The following MCTP1 variants were observed in gnomAD, a reference collection of about 807,000 sequenced individuals.
MCTP1 encodes the protein multiple C2 and transmembrane domain containing 1, also known as multiple C2 and transmembrane domain-containing protein 1.
In MCTP1, 69 loss-of-function variants were observed where a neutral mutation model predicts 120.6. The ratio of observed to expected loss-of-function variants is 0.57; its 90% CI spans 0.47 to 0.70. MCTP1 has a LOEUF of 0.70. Ranked by LOEUF, MCTP1 falls within the 30% of genes least tolerant of loss-of-function variation. The probability of loss-of-function intolerance (pLI) is 0.00; values close to 1 mark genes in which losing one functional copy is unlikely to be tolerated. For missense variants in MCTP1, 1,203 were observed against 1,248.8 expected (o/e 0.96, Z 0.55); for synonymous variants, 529 against 493.1 (o/e 1.07, Z -0.96).
intron 1 of MCTP1, among the ~76,000 whole-genome samples, chr5:95,258,155 A>C (rs1411806300): frequency 6.6e-6 from 1 of 152,158 alleles, no homozygotes; most frequent in Non-Finnish European, 1.5e-5. Flanking sequence ...GGGTGGGGTG[A>C]GGGCAGGTAA....
intron 18 of MCTP1, among the ~76,000 whole-genome samples, chr5:94,786,067 C>G (rs1286994656): frequency 6.6e-6 from 1 of 151,972 alleles, no homozygotes; most frequent in Admixed American, 6.6e-5. Flanking sequence ...ACTTTGAAAA[C>G]AACAACAACA....
chr5:94,791,027 C>T (rs1180610009), intron 18 of MCTP1, among the ~76,000 whole-genome samples: 4 of 145,338 alleles, frequency 2.8e-5, no homozygotes, highest in Non-Finnish European at 6.0e-5. Context: ...AATCCCAGCA[C>T]TTTGGGAGGC....
chr5:94,832,251 T>C (rs1788685782), intron 17 of MCTP1, among the ~76,000 whole-genome samples: 1 of 135,074 alleles, frequency 7.4e-6, no homozygotes, highest in Non-Finnish European at 1.8e-5. Flanking sequence ...AAGCCATTGT[T>C]CTAAACTAGA....
chr5:94,976,009 C>T (rs573714088), intron 2 of MCTP1, among the ~76,000 whole-genome samples: 2 of 152,218 alleles, frequency 1.3e-5, no homozygotes, highest in Admixed American at 6.5e-5. Context: ...TATGTATCAT[C>T]GCATAATAAC....
At chr5:94,947,555 A>AATAT (rs377155852) in intron 3 of MCTP1, among the ~76,000 whole-genome samples, 1,669 of 39,114 alleles carry the variant, frequency 0.043, 195 homozygotes, top group African/African-American at 0.12. Flanking sequence ...TAGTTTACTA[A>AATAT]ATATATATAT....
At chr5:95,194,025 A>G (rs928764072) in intron 1 of MCTP1, among the ~76,000 whole-genome samples, 1 of 152,092 alleles carries the variant, frequency 6.6e-6, no homozygotes, top group Non-Finnish European at 1.5e-5. Context: ...AGCCTGGGCA[A>G]CAAAGCAAGA....
chr5:94,979,274 A>T (rs1248078194), intron 2 of MCTP1: 1 of 152,002 alleles, frequency 6.6e-6, no homozygotes, highest in African/African-American at 2.4e-5. Context: ...GATTTCTACC[A>T]TTGTATGTTG....
chr5:94,870,951 G>C lies in MCTP1; in HGVS notation c.2162C>G (p.Ala721Gly). 6.2e-7 allele frequency: 1 copy of C among 1,612,946 alleles called. No homozygotes were observed. Among genetic ancestry groups the C allele is most frequent in the Non-Finnish European group, 8.5e-7 (1 of 1,179,384 alleles). ...LLSIQNGEQK[A>G]YVLKNKQLTG... is the part of the protein sequence containing the mutation. Reference sequence around the variant, plus strand: ...CAGCTGCTTGTTTTTCAAGACGTAGGCTTTCTGTTCACCATTTTGAATCTG... The same window carrying C: ...CAGCTGCTTGTTTTTCAAGACGTAGCCTTTCTGTTCACCATTTTGAATCTG... The change falls in exon 15 of 23, where the codon GCC becomes GGC. Residue 721 changes from alanine to glycine, a missense_variant. This residue lies in a region of MCTP1 where 740 missense variants were observed against 871.1 expected (regional missense o/e 0.85). Transcript: ENST00000515393.
At chr5:94,947,577 T>TATATATATATAGAGAG in intron 3 of MCTP1, among the ~76,000 whole-genome samples, 66 of 47,378 alleles carry the variant, frequency 1.4e-3, no homozygotes, top group Non-Finnish European at 1.7e-3. Context: ...TATATATATA[T>TATATATATATAGAGAG]AGAGAGAGAG....
chr5:94,937,613 T>A (rs1422192201), intron 5 of MCTP1, among the ~76,000 whole-genome samples: 1 of 152,064 alleles, frequency 6.6e-6, no homozygotes, highest in Admixed American at 6.6e-5. Flanking sequence ...CCATGGAGAC[T>A]GAAGGATTTT....
intron 6 of MCTP1, among the ~76,000 whole-genome samples, chr5:94,926,192 G>A (rs191429737): frequency 3.0e-4 from 46 of 152,158 alleles, no homozygotes; most frequent in African/African-American, 1.7e-4. Context: ...AAAATTAGTC[G>A]TAATGTGTAC....
intron 17 of MCTP1, among the ~76,000 whole-genome samples, chr5:94,824,936 T>A (rs1786611949): frequency 6.6e-6 from 1 of 152,166 alleles, no homozygotes; most frequent in African/African-American, 2.4e-5. Flanking sequence ...CTTTTCTTCT[T>A]TATTAGTCTG....
At chr5:95,274,655 G>A (rs553967747) in intron 1 of MCTP1, among the ~76,000 whole-genome samples, 198 of 96,452 alleles carry the variant, frequency 2.1e-3, no homozygotes, top group South Asian at 7.9e-3. Flanking sequence ...ACGAAGTCTT[G>A]CTCTGTCGCC....
intron 19 of MCTP1, among the ~76,000 whole-genome samples, chr5:94,744,057 G>T (rs1766278980): frequency 6.6e-6 from 1 of 152,048 alleles, no homozygotes; most frequent in Non-Finnish European, 1.5e-5. Flanking sequence ...TGCAACCTCT[G>T]CTTCCCGGGC....
At chr5:94,934,236 C>T (rs1443667792) in intron 5 of MCTP1, among the ~76,000 whole-genome samples, 1 of 151,430 alleles carries the variant, frequency 6.6e-6, no homozygotes, top group African/African-American at 2.4e-5. Flanking sequence ...GTTTTCTTTG[C>T]TATCTGTGAG....
At chr5:94,934,598 A>C (rs1458497957) in intron 5 of MCTP1, among the ~76,000 whole-genome samples, 1 of 151,954 alleles carries the variant, frequency 6.6e-6, no homozygotes, top group Non-Finnish European at 1.5e-5. Flanking sequence ...GTACATATAA[A>C]GAAATCACAG....
At chr5:95,035,722 TA>T (rs1288644053) in intron 1 of MCTP1, among the ~76,000 whole-genome samples, 3 of 152,058 alleles carry the variant, frequency 2.0e-5, no homozygotes, top group African/African-American at 7.2e-5. Flanking sequence ...AATGTGTAAT[TA>T]AAAAATATAT....
intron 1 of MCTP1, among the ~76,000 whole-genome samples, chr5:95,159,477 T>C (rs1745481492): frequency 6.6e-6 from 1 of 152,214 alleles, no homozygotes; most frequent in African/African-American, 2.4e-5. Context: ...TGTCATATTC[T>C]ATTTTCAAAA....
chr5:95,278,834 T>C (rs1359535660), intron 1 of MCTP1, among the ~76,000 whole-genome samples: 1 of 151,910 alleles, frequency 6.6e-6, no homozygotes, highest in Non-Finnish European at 1.5e-5. Context: ...TGGTGGCACA[T>C]GCCTGTAATC....
Sources: gnomAD v4.1 joint callset for allele counts (sites outside exome capture counted in the v4.1 genomes callset) on GRCh38, gnomAD v4.1.1 for gene constraint, gnomAD v4.1.1 regional missense constraint, MANE v1.5 for transcripts, NCBI Gene and HGNC (gene_info 2026-07-23, HGNC 2026-07-21) for gene names.